Variants in SNRPN observed in about 807,000 individuals in gnomAD.
SNRPN encodes small nuclear ribonucleoprotein polypeptide N, also known as small nuclear ribonucleoprotein-associated protein N.
Under a neutral mutation model 25.2 loss-of-function variants are expected in SNRPN, and 7 were observed. That is an observed-to-expected ratio of 0.28 (90% CI 0.16 to 0.52). The LOEUF is 0.52. Among genes scored for constraint, SNRPN ranks in the 20% least tolerant of loss-of-function variants. SNRPN has a pLI of 0.96. For missense variants in SNRPN, 196 were observed against 322.5 expected (o/e 0.61, Z 3.00); for synonymous variants, 124 against 110.6 (o/e 1.12, Z -0.76).
intron 2 of SNRPN, among the ~76,000 whole-genome samples, chr15:24,832,893 T>G (rs1279381654): frequency 2.6e-5 from 4 of 151,154 alleles, no homozygotes; most frequent in Non-Finnish European, 5.9e-5. Flanking sequence ...GACCACGAGG[T>G]CAGGAGATCG....
chr15:24,881,428 G>A (rs1458786989), intron 1 of SNRPN, among the ~76,000 whole-genome samples: 1 of 151,758 alleles, frequency 6.6e-6, no homozygotes, highest in African/African-American at 2.4e-5. Context: ...CTACTTGGGA[G>A]GCTGAGGCAG....
At chr15:24,892,793 G>C (rs765648086) in intron 2 of SNRPN, among the ~76,000 whole-genome samples, 2 of 151,994 alleles carry the variant, frequency 1.3e-5, no homozygotes, top group Non-Finnish European at 2.9e-5. Flanking sequence ...CAAAAAGAGG[G>C]AGGTAGGCAG....
Position 24,871,915 on chromosome 15 carries a change from C to T in SNRPN, c.-578-14601C>T, listed in dbSNP as rs890616785. ...AGAGACGGGGTTTCACCATGTTAGC[C>T]AGGATGGTCTCGATCTCCTGACTTC... On this transcript the variant is annotated intron_variant, in intron 1 of 11. Coordinates refer to the SNRPN transcript ENST00000400097. 1.6e-4 allele frequency among the ~76,000 whole-genome samples: 19 copies of T among 119,122 alleles called. 5 individuals are homozygous for T. The highest frequency in any genetic ancestry group is 1.5e-3 in the Admixed American group (16 of 10,650). 78.1% of individuals were successfully genotyped at this position (119,122 alleles called of 152,430 possible).
At chr15:24,937,324 A>G (rs1044150292) in intron 3 of SNRPN, among the ~76,000 whole-genome samples, 1 of 152,182 alleles carries the variant, frequency 6.6e-6, no homozygotes, top group Non-Finnish European at 1.5e-5. Flanking sequence ...AAAAATTTTC[A>G]GTGATACCCT....
chr15:24,897,826 G>A (rs977331309), intron 2 of SNRPN, among the ~76,000 whole-genome samples: 1 of 152,108 alleles, frequency 6.6e-6, no homozygotes, highest in Non-Finnish European at 1.5e-5. Context: ...CCATGATGGT[G>A]AGGGCTTCCT....
chr15:24,959,927 G>T (rs762054402), intron 1 of SNRPN, among the ~76,000 whole-genome samples: 1 of 152,166 alleles, frequency 6.6e-6, no homozygotes, highest in Non-Finnish European at 1.5e-5. Flanking sequence ...CTTTTTGGAA[G>T]TATGAGAGTA....
chr15:24,959,690 C>T (rs542841745), intron 1 of SNRPN, among the ~76,000 whole-genome samples: 4 of 152,244 alleles, frequency 2.6e-5, no homozygotes, highest in Non-Finnish European at 4.4e-5. Context: ...GTGTGCCCAC[C>T]ATAATGTAGC....
intron 2 of SNRPN, chr15:24,850,088 T>C (rs1035456322): frequency 2.6e-5 from 4 of 152,138 alleles, no homozygotes; most frequent in African/African-American, 7.2e-5. Context: ...GACCACTGTC[T>C]GTGTGATTTC....
At chr15:24,866,850 C>A (rs757069759) in intron 1 of SNRPN, among the ~76,000 whole-genome samples, 21 of 152,048 alleles carry the variant, frequency 1.4e-4, no homozygotes, top group Non-Finnish European at 2.6e-4. Flanking sequence ...ACCATGTTGT[C>A]GCAAATGACA....
chr15:24,877,653 C>G (rs968518776), intron 1 of SNRPN, among the ~76,000 whole-genome samples: 1 of 138,496 alleles, frequency 7.2e-6, no homozygotes, highest in Non-Finnish European at 1.5e-5. Flanking sequence ...GGTGAAACAT[C>G]TCTACAAAAC....
intron 1 of SNRPN, among the ~76,000 whole-genome samples, chr15:24,865,420 A>T: frequency 6.6e-6 from 1 of 152,168 alleles, no homozygotes; most frequent in East Asian, 1.9e-4. Context: ...AAGGCAGACA[A>T]GTACACAATC....
exon 1 of SNRPN, chr15:24,823,679 G>A (rs2049891982): frequency 6.6e-6 from 1 of 152,248 alleles, no homozygotes; most frequent in African/African-American, 2.4e-5. Flanking sequence ...CTGTAGCTGA[G>A]CTCAGAGCCT....
intron 2 of SNRPN, among the ~76,000 whole-genome samples, chr15:24,915,462 A>C (rs1829592993): frequency 6.6e-6 from 1 of 152,108 alleles, no homozygotes; most frequent in Admixed American, 6.6e-5. Context: ...TTCCTTGTTA[A>C]AACTAGATTT....
chr15:24,938,650 T>C (rs1273460974), intron 3 of SNRPN, among the ~76,000 whole-genome samples: 1 of 152,142 alleles, frequency 6.6e-6, no homozygotes, highest in Non-Finnish European at 1.5e-5. Flanking sequence ...TGAGGAGCAC[T>C]AGGTTTTGGT....
At chr15:24,851,074 C>T (rs1164274354) in intron 2 of SNRPN, 1 of 151,914 alleles carries the variant, frequency 6.6e-6, no homozygotes, top group Non-Finnish European at 1.5e-5. Context: ...GCATATGCCA[C>T]CAAGCCCTGC....
At chr15:24,834,364 G>T (rs751339476) in intron 2 of SNRPN, among the ~76,000 whole-genome samples, 2 of 152,040 alleles carry the variant, frequency 1.3e-5, no homozygotes, top group African/African-American at 4.8e-5. Context: ...TTCTAAGACG[G>T]CTCAGCATGA....
At chr15:24,908,784 T>A (rs781249500) in intron 2 of SNRPN, 31 of 443,956 alleles carry the variant, frequency 7.0e-5, no homozygotes, top group Non-Finnish European at 1.2e-4. Flanking sequence ...TCAATCTATA[T>A]CTAAACTTTA....
intron 2 of SNRPN, among the ~76,000 whole-genome samples, chr15:24,841,798 C>T (rs548328915): frequency 2.6e-5 from 4 of 152,318 alleles, no homozygotes; most frequent in African/African-American, 9.6e-5. Context: ...TAGTTCCTCT[C>T]ATGCCTCAGG....
chr15:24,834,765 A>G (rs1370121190), intron 2 of SNRPN, among the ~76,000 whole-genome samples: 1 of 73,978 alleles, frequency 1.4e-5, no homozygotes, highest in African/African-American at 4.3e-5. Flanking sequence ...ATATATATAT[A>G]TATATATATA....
Sources: allele counts gnomAD v4.1 joint callset (sites outside exome capture counted in the v4.1 genomes callset), GRCh38; gene constraint gnomAD v4.1.1; transcripts MANE v1.5; gene names NCBI Gene and HGNC (gene_info 2026-07-23, HGNC 2026-07-21).